Variants in AGBL1 observed in about 807,000 individuals in gnomAD.
The protein encoded by AGBL1 is AGBL carboxypeptidase 1, also known as cytosolic carboxypeptidase 4.
Under a neutral mutation model 118.9 loss-of-function variants are expected in AGBL1, and 130 were observed. That is an observed-to-expected ratio of 1.09 (90% CI 0.95 to 1.26). The LOEUF (loss-of-function observed/expected upper bound fraction) is 1.26, where lower values mean the gene tolerates loss of function less well. AGBL1 is among the 50% of genes most tolerant of loss of function. The probability of loss-of-function intolerance (pLI) is 0.00; values close to 1 mark genes in which losing one functional copy is unlikely to be tolerated. For missense variants in AGBL1, 1,584 were observed against 1,298.1 expected (o/e 1.22, Z -3.38); for synonymous variants, 555 against 478.9 (o/e 1.16, Z -2.08).
intron 22 of AGBL1, among the ~76,000 whole-genome samples, chr15:86,712,842 A>C (rs570315021): frequency 1.3e-5 from 2 of 152,292 alleles, no homozygotes; most frequent in South Asian, 4.1e-4. Context: ...CTGGAGCTGA[A>C]GCTTAGCCTG....
intron 22 of AGBL1, among the ~76,000 whole-genome samples, chr15:86,755,226 T>C (rs866675793): frequency 3.3e-5 from 5 of 152,212 alleles, no homozygotes; most frequent in Middle Eastern, 3.4e-3. Context: ...GATGACCTAA[T>C]GTTTTTGGCT....
At chr15:86,280,521 T>C (rs2079334322) in intron 16 of AGBL1, among the ~76,000 whole-genome samples, 1 of 152,226 alleles carries the variant, frequency 6.6e-6, no homozygotes, top group African/African-American at 2.4e-5. Flanking sequence ...CCCTTACTGC[T>C]ACCATTTCGT....
intron 22 of AGBL1, among the ~76,000 whole-genome samples, chr15:86,770,570 C>T (rs1359646816): frequency 1.3e-5 from 2 of 151,872 alleles, no homozygotes; most frequent in East Asian, 1.9e-4. Flanking sequence ...CGCAATTGCA[C>T]GATGGAGGAT....
intron 1 of AGBL1, among the ~76,000 whole-genome samples, chr15:86,115,376 TG>T (rs1337286485): frequency 4.6e-5 from 7 of 152,340 alleles, no homozygotes; most frequent in African/African-American, 1.7e-4. Flanking sequence ...GTGCATTTCC[TG>T]GCAAATCTTT....
intron 1 of AGBL1, among the ~76,000 whole-genome samples, chr15:86,117,656 C>G (rs963947200): frequency 6.6e-6 from 1 of 152,152 alleles, no homozygotes; most frequent in African/African-American, 2.4e-5. Context: ...AAGAGGTATT[C>G]AAAACTCTTC....
chr15:86,697,889 T>C (rs1366966948), intron 22 of AGBL1, among the ~76,000 whole-genome samples: 1 of 151,918 alleles, frequency 6.6e-6, no homozygotes, highest in African/African-American at 2.4e-5. Context: ...GGATGTGAAC[T>C]ATCTTCAGGT....
intron 17 of AGBL1, among the ~76,000 whole-genome samples, chr15:86,352,375 T>C (rs1220199536): frequency 6.6e-6 from 1 of 152,170 alleles, no homozygotes; most frequent in African/African-American, 2.4e-5. Context: ...AGTAGGCAAC[T>C]CATGTGCTGA....
chr15:86,162,662 G>C (rs945646875), intron 5 of AGBL1, among the ~76,000 whole-genome samples: 2 of 152,224 alleles, frequency 1.3e-5, no homozygotes, highest in Non-Finnish European at 2.9e-5. Context: ...AGTGGGAACA[G>C]TTATGGTCAG....
intron 22 of AGBL1, among the ~76,000 whole-genome samples, chr15:86,898,149 G>A (rs1248540623): frequency 6.6e-6 from 1 of 152,064 alleles, no homozygotes; most frequent in Non-Finnish European, 1.5e-5. Flanking sequence ...AACTTCTCCA[G>A]AGTTTTATTA....
intron 21 of AGBL1, among the ~76,000 whole-genome samples, chr15:86,642,170 A>G (rs933578959): frequency 6.6e-6 from 1 of 152,218 alleles, no homozygotes; most frequent in Admixed American, 6.5e-5. Flanking sequence ...TGGTGACTGT[A>G]AAGTCATATG....
At chr15:86,733,977 A>G (rs907972697) in intron 22 of AGBL1, among the ~76,000 whole-genome samples, 3 of 152,126 alleles carry the variant, frequency 2.0e-5, no homozygotes, top group African/African-American at 7.2e-5. Flanking sequence ...CTCTAGGTCT[A>G]TGACATCTCC....
intron 23 of AGBL1, among the ~76,000 whole-genome samples, chr15:86,935,850 A>G (rs1396799822): frequency 6.6e-6 from 1 of 152,254 alleles, no homozygotes; most frequent in East Asian, 1.9e-4. Context: ...TGCCTGTAAA[A>G]ATGGCATTTC....
intron 23 of AGBL1, among the ~76,000 whole-genome samples, chr15:86,931,620 GTTGTA>G (rs1167696113): frequency 2.0e-4 from 25 of 125,610 alleles, no homozygotes; most frequent in African/African-American, 7.0e-4. Flanking sequence ...GCTGCTGGTT[GTTGTA>G]TTGATCAATT....
intron 17 of AGBL1, among the ~76,000 whole-genome samples, chr15:86,343,365 C>T (rs1036656493): frequency 2.6e-5 from 4 of 152,128 alleles, no homozygotes; most frequent in Admixed American, 6.5e-5. Flanking sequence ...ATCCCATTGT[C>T]GTTTCTAAGT....
intron 1 of AGBL1, among the ~76,000 whole-genome samples, chr15:86,098,140 C>G (rs1240056154): frequency 6.6e-6 from 1 of 151,940 alleles, no homozygotes; most frequent in African/African-American, 2.4e-5. Context: ...TTATTCAAAC[C>G]CTTTGCCCAC....
chr15:86,642,633 A>C (rs2085211847), intron 21 of AGBL1, among the ~76,000 whole-genome samples: 2 of 152,054 alleles, frequency 1.3e-5, no homozygotes, highest in Non-Finnish European at 2.9e-5. Context: ...ATAATATTTA[A>C]TGTTACTGAA....
chr15:86,627,665 T>C (rs1173743347), intron 21 of AGBL1, among the ~76,000 whole-genome samples: 1 of 152,142 alleles, frequency 6.6e-6, no homozygotes, highest in Non-Finnish European at 1.5e-5. Flanking sequence ...GAAGAATTTA[T>C]GTAATGCAGT....
chr15:86,266,583 A>G (rs942251536), intron 12 of AGBL1, 126 bp downstream of exon 12: 6 of 720,974 alleles, frequency 8.3e-6, no homozygotes, highest in African/African-American at 5.4e-5. Flanking sequence ...AATCCAGGTT[A>G]AAGATCTATA....
At chr15:86,791,018 C>T (rs2078485941) in intron 22 of AGBL1, among the ~76,000 whole-genome samples, 3 of 152,286 alleles carry the variant, frequency 2.0e-5, no homozygotes, top group Admixed American at 1.3e-4. Context: ...TCAGAACTGT[C>T]AGATGATCAA....
Sources: allele counts gnomAD v4.1 joint callset (sites outside exome capture counted in the v4.1 genomes callset), GRCh38; gene constraint gnomAD v4.1.1; transcripts MANE v1.5; gene names NCBI Gene and HGNC (gene_info 2026-07-23, HGNC 2026-07-21).